The following DMRT1 variants were observed in gnomAD, a reference collection of about 807,000 sequenced individuals.
The protein encoded by DMRT1 is doublesex- and mab-3-related transcription factor 1.
Under a neutral mutation model 32.3 loss-of-function variants are expected in DMRT1, and 7 were observed. The ratio of observed to expected loss-of-function variants is 0.22; its 90% CI spans 0.12 to 0.41. The LOEUF is 0.41. Among genes scored for constraint, DMRT1 ranks in the 10% least tolerant of loss-of-function variants. The probability of loss-of-function intolerance (pLI) is 1.00; values close to 1 mark genes in which losing one functional copy is unlikely to be tolerated. For synonymous variants in DMRT1, 278 were observed against 206.1 expected (o/e 1.35, Z -2.99); for missense variants, 625 against 500.5 (o/e 1.25, Z -2.37).
chr9:843,505 A>G (rs1838779349), intron 1 of DMRT1, among the ~76,000 whole-genome samples: 1 of 152,192 alleles, frequency 6.6e-6, no homozygotes, highest in Admixed American at 6.5e-5. Flanking sequence ...GGTGGAAAAA[A>G]GCGCGCCAGG....
chr9:934,211 GA>G (rs1818814835), intron 4 of DMRT1, among the ~76,000 whole-genome samples: 1 of 152,160 alleles, frequency 6.6e-6, no homozygotes, highest in South Asian at 2.1e-4. Context: ...TCCCTTATCA[GA>G]TAGAAGATGT....
intron 4 of DMRT1, among the ~76,000 whole-genome samples, chr9:921,886 G>C (rs916161133): frequency 6.6e-6 from 1 of 152,066 alleles, no homozygotes; most frequent in Non-Finnish European, 1.5e-5. Context: ...ACTGCATCCA[G>C]CACTGCATCA....
chr9:953,494 C>T (rs762516098), intron 4 of DMRT1, among the ~76,000 whole-genome samples: 1 of 152,126 alleles, frequency 6.6e-6, no homozygotes, highest in Admixed American at 6.5e-5. Context: ...TTGTCAAAGG[C>T]CTCTGCCCCC....
At chr9:946,752 GA>G (rs1185097947) in intron 4 of DMRT1, among the ~76,000 whole-genome samples, 4 of 152,176 alleles carry the variant, frequency 2.6e-5, no homozygotes, top group African/African-American at 9.7e-5. Flanking sequence ...ATGATGTGGG[GA>G]CAATTGTGTT....
At position 968,140 on chromosome 9, in the gene DMRT1, G is replaced by C. The variant is rs755925656; in HGVS notation, c.*1G>C. ...TCCCGTCATCGAGGAGGACGAGTGA[G>C]CAGTGCCTGCTGCCGATGGCGGTTC... On this transcript the variant is annotated 3_prime_UTR_variant, in exon 5 of 5. Transcript: ENST00000382276. 1 of 1,602,294 alleles carries C rather than the reference G, an allele frequency of 6.2e-7. No individual in the cohort carries two copies.
intron 3 of DMRT1, among the ~76,000 whole-genome samples, chr9:910,086 T>G (rs1817920626): frequency 1.3e-5 from 2 of 152,226 alleles, no homozygotes; most frequent in African/African-American, 4.8e-5. Flanking sequence ...CTCTTCTCAT[T>G]AAGACTGTTC....
intron 4 of DMRT1, among the ~76,000 whole-genome samples, chr9:943,201 C>A (rs550846103): frequency 1.3e-5 from 2 of 152,352 alleles, no homozygotes; most frequent in East Asian, 3.9e-4. Context: ...TCAGGGCTTT[C>A]TGCAGAGTTC....
chr9:946,038 A>G (rs1307873751), intron 4 of DMRT1, among the ~76,000 whole-genome samples: 3 of 152,032 alleles, frequency 2.0e-5, no homozygotes, highest in African/African-American at 7.2e-5. Flanking sequence ...CTACTTTATT[A>G]TTCTTAACTG....
intron 2 of DMRT1, among the ~76,000 whole-genome samples, chr9:888,482 T>C (rs969809653): frequency 1.3e-5 from 2 of 152,074 alleles, no homozygotes; most frequent in Non-Finnish European, 2.9e-5. Context: ...AATTTTTATA[T>C]GTTTTGTAGA....
At chr9:902,256 G>GT (rs201854367) in intron 3 of DMRT1, among the ~76,000 whole-genome samples, 14 of 143,780 alleles carry the variant, frequency 9.7e-5, no homozygotes, top group Admixed American at 7.4e-4. Context: ...ATGGTGGGAT[G>GT]TTTTTTGTTA....
chr9:869,827 T>G (rs2132603467), intron 2 of DMRT1, among the ~76,000 whole-genome samples: 1 of 152,308 alleles, frequency 6.6e-6, no homozygotes, highest in East Asian at 1.9e-4. Flanking sequence ...CCATTTGGTT[T>G]ATATTAGCTA....
chr9:890,282 G>C lies in DMRT1; in HGVS notation c.539-3630G>C, dbSNP rs1174471831. 2.6e-5 allele frequency among the ~76,000 whole-genome samples: 4 copies of C among 152,092 alleles called. No homozygotes were observed. In the East Asian group the frequency reaches 7.7e-4, roughly 29 times the overall value. On this transcript the variant is annotated intron_variant, in intron 2 of 4. Transcript: ENST00000382276. ...TTTAAAATAAGAGAAAGGCCCAGTG[G>C]GGAAGTTGAGGAGGAGCGAATGGAC... is the stretch of plus-strand genomic sequence containing the variant.
At chr9:884,223 A>G (rs554105660) in intron 2 of DMRT1, among the ~76,000 whole-genome samples, 88 of 152,166 alleles carry the variant, frequency 5.8e-4, no homozygotes, top group Non-Finnish European at 9.8e-4. Context: ...ACCCACCTTA[A>G]AATGAATTAC....
At chr9:860,258 T>C (rs113898020) in intron 2 of DMRT1, among the ~76,000 whole-genome samples, 5,966 of 152,168 alleles carry the variant, frequency 0.039, 317 homozygotes, top group African/African-American at 0.12. Flanking sequence ...GATCGTGCCA[T>C]TGTACTCCAG....
intron 4 of DMRT1, among the ~76,000 whole-genome samples, chr9:957,900 C>T (rs1228534870): frequency 6.6e-6 from 1 of 152,004 alleles, no homozygotes; most frequent in East Asian, 1.9e-4. Context: ...ATCCTAGCTA[C>T]TTGGGAGGCT....
chr9:894,592 G>A (rs1010405247), intron 3 of DMRT1: 2 of 304,840 alleles, frequency 6.6e-6, no homozygotes, highest in Non-Finnish European at 1.3e-5. Flanking sequence ...CCCCACTTTC[G>A]TTGGGCACCT....
chr9:963,178 G>C (rs569360485), intron 4 of DMRT1, among the ~76,000 whole-genome samples: 5 of 152,216 alleles, frequency 3.3e-5, no homozygotes, highest in Admixed American at 2.6e-4. Flanking sequence ...TCCATCTATA[G>C]GATCTTTCAT....
chr9:918,234 C>T (rs1818244568), intron 4 of DMRT1, among the ~76,000 whole-genome samples: 1 of 152,168 alleles, frequency 6.6e-6, no homozygotes, highest in African/African-American at 2.4e-5. Flanking sequence ...GGCCTGTCTG[C>T]ACAATTTGGG....
intron 2 of DMRT1, among the ~76,000 whole-genome samples, chr9:881,811 AC>A (rs918598444): frequency 9.9e-5 from 15 of 151,978 alleles, no homozygotes; most frequent in African/African-American, 3.4e-4. Flanking sequence ...CTTCTTCTCC[AC>A]CCCCAAACTC....
Sources: allele counts gnomAD v4.1 joint callset (sites outside exome capture counted in the v4.1 genomes callset), GRCh38; gene constraint gnomAD v4.1.1; transcripts MANE v1.5; gene names NCBI Gene and HGNC (gene_info 2026-07-23, HGNC 2026-07-21).